The following RGS6 variants were observed in gnomAD, a reference collection of about 807,000 sequenced individuals.
RGS6 encodes the protein regulator of G-protein signaling 6.
In RGS6, 30 loss-of-function variants were observed where a neutral mutation model predicts 78.5. The observed-to-expected ratio is 0.38, with a 90% CI of 0.29 to 0.52. The LOEUF (loss-of-function observed/expected upper bound fraction) is 0.52. Ranked by LOEUF, RGS6 falls within the 20% of genes least tolerant of loss-of-function variation. The pLI is 0.85. For synonymous variants in RGS6, 206 were observed against 206.0 expected (o/e 1.00, Z 0.00); for missense variants, 495 against 609.7 (o/e 0.81, Z 1.98).
intron 2 of RGS6, among the ~76,000 whole-genome samples, chr14:72,160,361 G>A (rs985677959): frequency 9.2e-5 from 14 of 152,154 alleles, no homozygotes; most frequent in Non-Finnish European, 1.8e-4. Context: ...GTCATCAAAT[G>A]TCATAGGAGA....
At chr14:72,568,079 G>A (rs572893179), downstream of RGS6, among the ~76,000 whole-genome samples, 8 of 152,320 alleles carry the variant, frequency 5.3e-5, no homozygotes, top group East Asian at 1.9e-4. Flanking sequence ...TCTCTGGTAC[G>A]CTCTTCCTCG....
intron 2 of RGS6, among the ~76,000 whole-genome samples, chr14:72,214,865 C>T (rs1285028570): frequency 6.6e-6 from 1 of 152,080 alleles, no homozygotes; most frequent in Non-Finnish European, 1.5e-5. Flanking sequence ...GCCATGAGGA[C>T]TTACAGAGCA....
At chr14:72,555,225 G>GCAT (rs2097556378) in intron 17 of RGS6, among the ~76,000 whole-genome samples, 1 of 152,156 alleles carries the variant, frequency 6.6e-6, no homozygotes, top group African/African-American at 2.4e-5. Context: ...GTTCCTAGAG[G>GCAT]CATCAGCATC....
At chr14:72,231,361 A>G (rs769538769) in intron 2 of RGS6, among the ~76,000 whole-genome samples, 1 of 152,230 alleles carries the variant, frequency 6.6e-6, no homozygotes, top group Non-Finnish European at 1.5e-5. Flanking sequence ...AGTGGGAGTA[A>G]GAGGGTGAGC....
chr14:71,987,923 T>A (rs79844537), intron 2 of RGS6, among the ~76,000 whole-genome samples: 4,708 of 119,832 alleles, frequency 0.039, 236 homozygotes, highest in African/African-American at 0.12. Flanking sequence ...TATGTGCTTT[T>A]TTCAAACAAT....
intron 2 of RGS6, among the ~76,000 whole-genome samples, chr14:72,068,319 G>T (rs1164976913): frequency 2.0e-5 from 3 of 151,826 alleles, no homozygotes; most frequent in East Asian, 1.9e-4. Flanking sequence ...ATTTTTTGCA[G>T]AGAGGGGGTT....
At chr14:72,598,189 G>A in the RGS6 span, among the ~76,000 whole-genome samples, 1 of 152,208 alleles carries the variant, frequency 6.6e-6, no homozygotes, top group Admixed American at 6.5e-5. Context: ...GCCAGGGCCA[G>A]CACCTAGAAC....
chr14:72,249,278 C>T (rs900011921), intron 2 of RGS6, among the ~76,000 whole-genome samples: 3 of 152,306 alleles, frequency 2.0e-5, no homozygotes, highest in East Asian at 3.9e-4. Flanking sequence ...GCATCATAAA[C>T]AAAACCAAGG....
intron 2 of RGS6, among the ~76,000 whole-genome samples, chr14:71,995,299 T>C (rs1018148983): frequency 6.6e-6 from 1 of 152,228 alleles, no homozygotes; most frequent in Admixed American, 6.5e-5. Flanking sequence ...CCTTTGTTAC[T>C]GCATGGCTAT....
At chr14:71,951,725 C>G (rs2152996787) in intron 1 of RGS6, among the ~76,000 whole-genome samples, 1 of 152,232 alleles carries the variant, frequency 6.6e-6, no homozygotes, top group East Asian at 1.9e-4. Context: ...CTATTTTAAT[C>G]CATTAATATG....
At chr14:72,316,403 C>T (rs1019035550) in intron 2 of RGS6, among the ~76,000 whole-genome samples, 5 of 152,250 alleles carry the variant, frequency 3.3e-5, no homozygotes, top group South Asian at 2.1e-4. Flanking sequence ...CACCCCACAA[C>T]AGGCCCCAGT....
At chr14:72,254,657 G>A (rs2056665251) in intron 2 of RGS6, among the ~76,000 whole-genome samples, 1 of 152,102 alleles carries the variant, frequency 6.6e-6, no homozygotes, top group Admixed American at 6.6e-5. Context: ...ATTCACAGGG[G>A]ACTCTTTTCT....
intron 3 of RGS6, among the ~76,000 whole-genome samples, chr14:72,434,172 C>CA (rs1408495720): frequency 4.6e-5 from 7 of 152,016 alleles, no homozygotes; most frequent in East Asian, 3.9e-4. Context: ...CTCATCTCCA[C>CA]AAAAAAATTA....
the RGS6 span, among the ~76,000 whole-genome samples, chr14:72,572,058 T>C: frequency 6.6e-6 from 1 of 152,232 alleles, no homozygotes; most frequent in Non-Finnish European, 1.5e-5. Context: ...GAAAGGATGC[T>C]GAACATCATT....
chr14:72,628,705 GAA>G, the RGS6 span, among the ~76,000 whole-genome samples: 1 of 150,848 alleles, frequency 6.6e-6, no homozygotes, highest in African/African-American at 2.5e-5. Flanking sequence ...GACAGACACA[GAA>G]AAAGAGACAG....
intron 2 of RGS6, among the ~76,000 whole-genome samples, chr14:71,991,878 G>A (rs1270635062): frequency 6.6e-6 from 1 of 152,182 alleles, no homozygotes; most frequent in African/African-American, 2.4e-5. Context: ...AATCAACTCT[G>A]CTGTTATAAG....
intron 2 of RGS6, among the ~76,000 whole-genome samples, chr14:72,336,545 GGAGAGGCAGTGGGGAAGAGGAAGAGA>G (rs2076070735): frequency 6.6e-6 from 1 of 151,960 alleles, no homozygotes; most frequent in Non-Finnish European, 1.5e-5. Flanking sequence ...GCGCGCATAG[GGAGAGGCAGTGGGGAAGAGGAAGAGA>G]GAGAGGACAG....
intron 3 of RGS6, among the ~76,000 whole-genome samples, chr14:72,444,904 C>T (rs1447109696): frequency 6.2e-5 from 1 of 16,136 alleles, no homozygotes; most frequent in African/African-American, 1.9e-4. Flanking sequence ...ACTCAGAGAC[C>T]TGCCTGTTAA....
intron 2 of RGS6, among the ~76,000 whole-genome samples, chr14:72,055,014 A>G (rs1034470584): frequency 7.9e-5 from 12 of 152,132 alleles, no homozygotes; most frequent in Non-Finnish European, 7.3e-5. Context: ...TTATACTATG[A>G]TTTATCAATA....
Sources: allele counts gnomAD v4.1 joint callset (sites outside exome capture counted in the v4.1 genomes callset), GRCh38; gene constraint gnomAD v4.1.1; transcripts MANE v1.5; gene names NCBI Gene and HGNC (gene_info 2026-07-23, HGNC 2026-07-21).